RAB27A: variants seen among roughly 807,000 people sequenced by gnomAD.
RAB27A encodes ras-related protein Rab-27A.
In RAB27A, 17 loss-of-function variants were observed where a neutral mutation model predicts 20.8. The ratio of observed to expected loss-of-function variants is 0.82; its 90% CI spans 0.56 to 1.23. RAB27A has a LOEUF of 1.23. RAB27A is among the 50% of genes most tolerant of loss of function. The pLI is 0.00. For missense variants in RAB27A, 277 were observed against 266.7 expected (o/e 1.04, Z -0.27); for synonymous variants, 85 against 92.8 (o/e 0.92, Z 0.48).
At chr15:55,319,117 G>C (rs535526775), upstream of RAB27A, 1 of 1,077,080 alleles carries the variant, frequency 9.3e-7, no homozygotes, top group African/African-American at 1.6e-5. Context: ...CGTCGGGTGG[G>C]AGCTACGAAG....
chr15:55,256,337 C>T (rs766016541), intron 2 of RAB27A, among the ~76,000 whole-genome samples: 8 of 152,052 alleles, frequency 5.3e-5, no homozygotes, highest in Non-Finnish European at 1.2e-4. Context: ...TCACTTGAGC[C>T]CAAGAGTTCA....
chr15:55,314,945 A>C (rs914983721), intron 1 of RAB27A, among the ~76,000 whole-genome samples: 5 of 152,216 alleles, frequency 3.3e-5, no homozygotes, highest in Non-Finnish European at 5.9e-5. Context: ...AAAAGAGCCC[A>C]TATAGCCAAG....
chr15:55,263,140 C>A (rs755084802), intron 2 of RAB27A, among the ~76,000 whole-genome samples: 3 of 152,090 alleles, frequency 2.0e-5, no homozygotes, highest in Non-Finnish European at 4.4e-5. Context: ...CTGGTTTCTG[C>A]TCTTTTCTCA....
chr15:55,288,561 G>A (rs543392174), intron 1 of RAB27A, among the ~76,000 whole-genome samples: 1 of 151,510 alleles, frequency 6.6e-6, no homozygotes, highest in South Asian at 2.1e-4. Context: ...ATACTTCAAC[G>A]AAATTAAAAA....
intron 2 of RAB27A, among the ~76,000 whole-genome samples, chr15:55,308,141 C>A (rs745624286): frequency 2.0e-5 from 3 of 152,092 alleles, no homozygotes; most frequent in Non-Finnish European, 2.9e-5. Context: ...TCCTGCCTTG[C>A]GGCTCTTTTG....
chr15:55,219,014 T>C (rs866643529), intron 6 of RAB27A, among the ~76,000 whole-genome samples: 1 of 151,998 alleles, frequency 6.6e-6, no homozygotes, highest in East Asian at 1.9e-4. Context: ...AGTGCTGGGA[T>C]TACAGGCATG....
intron 2 of RAB27A, among the ~76,000 whole-genome samples, chr15:55,301,290 C>A (rs182223241): frequency 6.6e-6 from 1 of 152,230 alleles, no homozygotes; most frequent in Non-Finnish European, 1.5e-5. Flanking sequence ...ACAGGTTCAA[C>A]ATATTGGCCA....
intron 1 of RAB27A, among the ~76,000 whole-genome samples, chr15:55,287,636 A>G (rs1479354667): frequency 5.3e-5 from 8 of 152,036 alleles, no homozygotes; most frequent in Admixed American, 5.2e-4. Flanking sequence ...AATCCCAGCT[A>G]CTCAGGAGGA....
chr15:55,304,586 A>G (rs1456472330), intron 2 of RAB27A, among the ~76,000 whole-genome samples: 2 of 152,286 alleles, frequency 1.3e-5, no homozygotes, highest in Non-Finnish European at 2.9e-5. Context: ...TACCTGTTCT[A>G]GACATGTCAT....
intron 6 of RAB27A, among the ~76,000 whole-genome samples, chr15:55,210,794 T>G (rs1447858088): frequency 5.9e-5 from 9 of 152,138 alleles, no homozygotes; most frequent in Admixed American, 5.9e-4. Flanking sequence ...TCTATTCTTG[T>G]GTTGGTTGCC....
upstream of RAB27A, chr15:55,289,970 G>C (rs1488037570): frequency 1.3e-5 from 2 of 152,164 alleles, no homozygotes; most frequent in Non-Finnish European, 2.9e-5. Context: ...GCGCCTCCGA[G>C]GGGTCCTCTG....
intron 6 of RAB27A, among the ~76,000 whole-genome samples, chr15:55,210,273 T>G (rs540318766): frequency 1.5e-4 from 20 of 130,644 alleles, no homozygotes; most frequent in Non-Finnish European, 1.9e-4. Flanking sequence ...ATGGTAGTTC[T>G]ATTTTTAGTT....
At chr15:55,244,491 T>C (rs1005660685) in intron 2 of RAB27A, among the ~76,000 whole-genome samples, 1 of 152,000 alleles carries the variant, frequency 6.6e-6, no homozygotes, top group African/African-American at 2.4e-5. Flanking sequence ...GTTGTTGTTG[T>C]TGTTGGGGGG....
chr15:55,291,509 T>TA (rs1898306834), upstream of RAB27A, among the ~76,000 whole-genome samples: 1 of 45,042 alleles, frequency 2.2e-5, no homozygotes, highest in Non-Finnish European at 3.8e-5. Flanking sequence ...AGACTCTGTT[T>TA]CAAAAAAAAA....
In RAB27A at chr15:55,204,229, T is replaced by G. The variant is rs536436532; in HGVS notation, c.*1278A>C. On this transcript the variant is annotated 3_prime_UTR_variant, in exon 7 of 7. Coordinates refer to ENST00000336787, the MANE Select transcript of RAB27A (RefSeq NM_183235.3). ...TCACCTAAATGAAATACCTTTGAAT[T>G]TTATAAACAACTTCCATGAAACATA... is the stretch of plus-strand genomic sequence containing the variant. 1 of 152,308 alleles carries G rather than the reference T, an allele frequency of 6.6e-6. No homozygotes were observed. The highest frequency in any genetic ancestry group is 1.9e-4 in the East Asian group (1 of 5,188). 9.4% of individuals were successfully genotyped at this position (152,308 alleles called of 1,614,324 possible).
Position 55,237,914 on chromosome 15 carries a change from G to A in RAB27A, c.-22-2958C>T, listed in dbSNP as rs1370885534. Reference sequence around the variant, plus strand: ...TCTAGAATTCTCTAAACTCACTTAAGTGGAATTCAAAGACTTAAATGAAAC... The same window carrying A: ...TCTAGAATTCTCTAAACTCACTTAAATGGAATTCAAAGACTTAAATGAAAC... On this transcript the variant is annotated intron_variant, in intron 2 of 6. Transcript: ENST00000336787. 2.6e-5 allele frequency among the ~76,000 whole-genome samples: 4 copies of A among 152,266 alleles called. No individual in the cohort carries two copies. In the East Asian group the frequency reaches 7.7e-4, roughly 29 times the overall value.
chr15:55,235,743 C>T (rs1021983039), intron 2 of RAB27A, among the ~76,000 whole-genome samples: 5 of 151,872 alleles, frequency 3.3e-5, no homozygotes, highest in Admixed American at 6.6e-5. Context: ...CAAATGCTCA[C>T]CAGTCAATGA....
At chr15:55,237,391 T>C (rs540564033) in intron 2 of RAB27A, 1 of 152,306 alleles carries the variant, frequency 6.6e-6, no homozygotes, top group South Asian at 2.1e-4. Context: ...TCAGTGCAGA[T>C]CTGCAACCTC....
At chr15:55,285,373 A>G (rs1898123629) in intron 1 of RAB27A, among the ~76,000 whole-genome samples, 1 of 152,064 alleles carries the variant, frequency 6.6e-6, no homozygotes, top group African/African-American at 2.4e-5. Flanking sequence ...TAAGAGAGGC[A>G]TCTAATTTTA....
Sources: allele counts gnomAD v4.1 joint callset (sites outside exome capture counted in the v4.1 genomes callset), GRCh38; gene constraint gnomAD v4.1.1; transcripts MANE v1.5; gene names NCBI Gene and HGNC (gene_info 2026-07-23, HGNC 2026-07-21).